Variants in UPP2 observed in about 807,000 individuals in gnomAD.
UPP2 encodes the protein UPase 2.
UPP2 carries 23 observed loss-of-function variants against 26.7 expected under a neutral mutation model. The observed-to-expected ratio is 0.86, with a 90% CI of 0.62 to 1.22. The LOEUF is 1.22. UPP2 is among the 50% of genes most tolerant of loss of function. The pLI is 0.00. For synonymous variants in UPP2, 127 were observed against 141.3 expected, an observed-to-expected ratio of 0.90 and a Z score of 0.72; for missense variants, 387 against 396.7, an observed-to-expected ratio of 0.98 and a Z score of 0.21.
At chr2:158,125,401 C>T (rs185196595) in intron 6 of UPP2, among the ~76,000 whole-genome samples, 9 of 149,422 alleles carry the variant, frequency 6.0e-5, no homozygotes, top group African/African-American at 1.7e-4. Context: ...GGGAAGAACA[C>T]GCAATGCATT....
chr2:158,033,532 G>A (rs1683956684), intron 3 of UPP2, among the ~76,000 whole-genome samples: 1 of 152,202 alleles, frequency 6.6e-6, no homozygotes. Flanking sequence ...GCCAGCCAGT[G>A]AGTACTCCTC....
At chr2:158,008,345 AT>A (rs1332255996) in intron 2 of UPP2, among the ~76,000 whole-genome samples, 1 of 152,230 alleles carries the variant, frequency 6.6e-6, no homozygotes, top group African/African-American at 2.4e-5. Context: ...GGAATGCTGA[AT>A]TATTTACTGT....
chr2:158,102,250 T>G, intron 1 of UPP2, 125 bp downstream of exon 1: 2 of 935,432 alleles, frequency 2.1e-6, no homozygotes. Context: ...ATTATATCAC[T>G]GGATGCAGCT....
At chr2:158,027,913 T>C (rs914822734) in intron 3 of UPP2, among the ~76,000 whole-genome samples, 4 of 152,188 alleles carry the variant, frequency 2.6e-5, no homozygotes, top group Non-Finnish European at 5.9e-5. Context: ...CTACATTGGC[T>C]TCTTTCAGCC....
intron 3 of UPP2, among the ~76,000 whole-genome samples, chr2:158,070,745 C>A (rs1471408110): frequency 6.6e-6 from 1 of 152,198 alleles, no homozygotes; most frequent in Non-Finnish European, 1.5e-5. Context: ...CTGGATTTAA[C>A]TTTATATCAT....
chr2:158,110,941 T>G (rs899774661), intron 2 of UPP2, among the ~76,000 whole-genome samples: 1 of 152,230 alleles, frequency 6.6e-6, no homozygotes, highest in African/African-American at 2.4e-5. Context: ...GCAAAAATTT[T>G]CTCCCATTCT....
chr2:158,061,614 CA>C (rs1682352931), intron 3 of UPP2, among the ~76,000 whole-genome samples: 1 of 152,180 alleles, frequency 6.6e-6, no homozygotes, highest in African/African-American at 2.4e-5. Flanking sequence ...GGGACTGGCA[CA>C]GGGGGCGGGG....
At chr2:158,096,492 A>G (rs200452496) in intron 3 of UPP2, among the ~76,000 whole-genome samples, 1 of 152,122 alleles carries the variant, frequency 6.6e-6, no homozygotes, top group East Asian at 1.9e-4. Context: ...CCAGCTACTC[A>G]GGAGGCTGAG....
intron 2 of UPP2, among the ~76,000 whole-genome samples, chr2:158,002,990 C>G (rs1251207324): frequency 6.6e-6 from 1 of 151,854 alleles, no homozygotes; most frequent in East Asian, 1.9e-4. Flanking sequence ...TGCTTTAGGT[C>G]TAACTGCTGG....
intron 4 of UPP2, 79 bp downstream of exon 4, chr2:158,118,017 C>A (rs1683479166): frequency 4.9e-6 from 6 of 1,225,882 alleles, no homozygotes; most frequent in Non-Finnish European, 7.1e-6. Flanking sequence ...ACATCCTATT[C>A]AGAGCCCAGC....
Position 158,123,854 on chromosome 2 carries a change from C to G in UPP2, c.770C>G (p.Ser257Cys), listed in dbSNP as rs1331908035. The change falls in exon 6 of 7, where the codon TCT (serine) becomes TGT (cysteine). Residue 257 changes from serine (S) to cysteine (C), a missense_variant. Coordinates refer to ENST00000005756, the MANE Select transcript of UPP2 (RefSeq NM_173355.4). ...GGTGTCAGGAATATTGAAATGGAAT[C>G]TACAGTGTTTGCAGCTATGTGTGGA... The part of the protein sequence containing the change: ...KAGVRNIEME[S>C]TVFAAMCGLC... 1.2e-6 allele frequency: 2 copies of G among 1,613,950 alleles called. No individual in the cohort carries two copies. The highest frequency in any genetic ancestry group is 3.3e-5 in the Admixed American group (2 of 60,006).
rs1683155966 is a variant in UPP2 at position 158,104,986 on chromosome 2, G to GGAAGGGAAGA, written c.63-1104_63-1103insAGAAGGGAAG. On this transcript the variant is annotated intron_variant, in intron 1 of 6. Coordinates refer to ENST00000005756, the MANE Select transcript of UPP2 (RefSeq NM_173355.4). ...GGAAGGGAAGGGAAGGGAAGAGAAG[G>GGAAGGGAAGA]GAAGGGAAGGGAGGGGAGGGGAGGG... Among the ~76,000 whole-genome samples, 2 of 42,180 alleles carry GGAAGGGAAGA rather than the reference G, an allele frequency of 4.7e-5. 1 individual carries two copies. Among genetic ancestry groups the GGAAGGGAAGA allele is most frequent in the African/African-American group, 3.1e-4 (2 of 6,510 alleles). The allele number at this position is 42,180 out of a possible 152,430, so 27.7% of individuals were successfully genotyped here.
Position 158,115,239 on chromosome 2 carries a change from G to A in UPP2, c.319G>A (p.Gly107Arg), listed in dbSNP as rs773369298. Residue 107 changes from glycine to arginine, a missense_variant, in exon 3 of 7, where the codon GGG becomes AGG. Coordinates refer to ENST00000005756, the MANE Select transcript of UPP2 (RefSeq NM_173355.4). ...AGACAGATACTGTATGTACAAAACC[G>A]GGCCTGTGCTCGCCATCAGTGTAAG... ...GTDRYCMYKTGPVLAISHGMG... is the reference protein window; with the variant it reads ...GTDRYCMYKTRPVLAISHGMG... 16 of 1,609,654 alleles carry A rather than the reference G, an allele frequency of 9.9e-6. No individual in the cohort carries two copies. The highest frequency in any genetic ancestry group is 6.7e-5 in the East Asian group (3 of 44,778).
Position 158,036,730 on chromosome 2 carries a change from T to G in UPP2, c.147+20844T>G, listed in dbSNP as rs149377201. Among the ~76,000 whole-genome samples, 102 of 152,318 alleles carry G rather than the reference T, an allele frequency of 6.7e-4. 1 individual carries two copies. The highest frequency in any genetic ancestry group is 2.1e-3 in the African/African-American group (88 of 41,570). On this transcript the variant is annotated intron_variant, in intron 3 of 9. Coordinates refer to the UPP2 transcript ENST00000605860. ...AGGTGAAGATAAGACCAGTTACTTT[T>G]AAGTTCTCAACATGTCAGTTATCTG...
rs78032067 is a variant in UPP2 at position 158,032,220 on chromosome 2, T to C, written c.147+16334T>C. Among the ~76,000 whole-genome samples the C allele has an allele frequency of 2.5e-3, 386 of 152,248 alleles. 4 individuals carry two copies. The East Asian group carries it at 0.035, about 14-fold the overall frequency. On this transcript the variant is annotated intron_variant, in intron 3 of 9. Transcript: ENST00000605860. The stretch of plus-strand genomic sequence containing the variant: ...TTTTGGCTTAGTAGAAATAAGAACT[T>C]AATAAAACTTATAGCTATTCAATAT...
At chr2:158,093,674 G>T (rs1682944841) in intron 3 of UPP2, among the ~76,000 whole-genome samples, 1 of 152,080 alleles carries the variant, frequency 6.6e-6, no homozygotes, top group Non-Finnish European at 1.5e-5. Flanking sequence ...CCATTTTACA[G>T]TCATCACATT....
At chr2:158,058,419 C>CCTGTGTGTGTGTGTGTGTG (rs1682294260) in intron 3 of UPP2, among the ~76,000 whole-genome samples, 1 of 136,378 alleles carries the variant, frequency 7.3e-6, no homozygotes. Context: ...TCCCCCCAAC[C>CCTGTGTGTGTGTGTGTGTG]TGTGTGTGTG....
At chr2:158,079,702 C>T (rs936662946) in intron 3 of UPP2, among the ~76,000 whole-genome samples, 1 of 151,972 alleles carries the variant, frequency 6.6e-6, no homozygotes, top group Non-Finnish European at 1.5e-5. Context: ...ATATGTTCTC[C>T]CTGACTTGTC....
chr2:158,068,197 A>G (rs1223642304), intron 3 of UPP2, among the ~76,000 whole-genome samples: 1 of 152,208 alleles, frequency 6.6e-6, no homozygotes, highest in Non-Finnish European at 1.5e-5. Flanking sequence ...AATGGCTCTG[A>G]AAATGCAAAA....
Sources: gnomAD v4.1 joint callset for allele counts (sites outside exome capture counted in the v4.1 genomes callset) on GRCh38, gnomAD v4.1.1 for gene constraint, MANE v1.5 for transcripts, NCBI Gene and HGNC (gene_info 2026-07-23, HGNC 2026-07-21) for gene names.